EYA2: variants seen among roughly 807,000 people sequenced by gnomAD.
EYA2 encodes the protein protein phosphatase EYA2.
EYA2 carries 31 observed loss-of-function variants against 69.2 expected under a neutral mutation model. That is an observed-to-expected ratio of 0.45 (90% CI 0.34 to 0.60). The LOEUF (loss-of-function observed/expected upper bound fraction) is 0.60. Ranked by LOEUF, EYA2 falls within the 20% of genes least tolerant of loss-of-function variation. EYA2 has a pLI of 0.02. For synonymous variants in EYA2, 257 were observed against 279.4 expected (o/e 0.92, Z 0.80); for missense variants, 622 against 701.2 (o/e 0.89, Z 1.28).
rs372867316 is a variant in EYA2, at chr20:46,999,930, C to T, written c.110-1498C>T. On this transcript the variant is annotated intron_variant, in intron 2 of 15. Coordinates refer to ENST00000327619, the MANE Select transcript of EYA2 (RefSeq NM_005244.5). ...TGAGAGCCTGTCTATAAGCAGTTAA[C>T]AAGGGCCTGGCACATAGTCAACCTC... Among the ~76,000 whole-genome samples, 9 of 152,328 alleles carry T rather than the reference C, an allele frequency of 5.9e-5. 1 individual carries two copies. Among genetic ancestry groups the T allele is most frequent in the African/African-American group, 2.2e-4 (9 of 41,572 alleles).
At chr20:47,053,737 A>T (rs924272962) in intron 5 of EYA2, among the ~76,000 whole-genome samples, 1 of 151,000 alleles carries the variant, frequency 6.6e-6, no homozygotes, top group African/African-American at 2.4e-5. Flanking sequence ...AAGGAGGTGA[A>T]TATTGGTTCT....
chr20:47,147,818 G>A lies in EYA2; in HGVS notation c.978+4670G>A, dbSNP rs546167417. On this transcript the variant is annotated intron_variant, in intron 10 of 15. Coordinates refer to ENST00000327619, the MANE Select transcript of EYA2 (RefSeq NM_005244.5). The stretch of plus-strand genomic sequence containing the variant: ...TCACGCCTGTAGTCCTAACACTTTG[G>A]GAGGCCGAGGCGGGTGGATCACTTG... Among the ~76,000 whole-genome samples, 7 of 152,286 alleles carry A rather than the reference G, an allele frequency of 4.6e-5. No individual in the cohort carries two copies. The South Asian group carries it at 8.3e-4, about 18-fold the overall frequency.
intron 10 of EYA2, among the ~76,000 whole-genome samples, chr20:47,147,737 G>A (rs1255369022): frequency 6.6e-6 from 1 of 152,190 alleles, no homozygotes; most frequent in East Asian, 1.9e-4. Flanking sequence ...CAGACTCCCA[G>A]GGGAAAGAAT....
chr20:47,013,863 A>G (rs1213372629), intron 4 of EYA2, among the ~76,000 whole-genome samples: 2 of 152,198 alleles, frequency 1.3e-5, no homozygotes, highest in South Asian at 2.1e-4. Context: ...TGTTGCTGCC[A>G]TCATTGTTGT....
At chr20:46,910,610 C>T (rs1267343577) in intron 1 of EYA2, among the ~76,000 whole-genome samples, 1 of 152,184 alleles carries the variant, frequency 6.6e-6, no homozygotes, top group Non-Finnish European at 1.5e-5. Context: ...TGGCAATGCA[C>T]GCATTCCCAG....
intron 5 of EYA2, among the ~76,000 whole-genome samples, chr20:47,068,838 T>A (rs2031208567): frequency 1.3e-5 from 2 of 152,172 alleles, no homozygotes; most frequent in Admixed American, 1.3e-4. Flanking sequence ...TAGTGTGGGC[T>A]CTAGAAGCTT....
At chr20:47,126,865 A>G (rs1287029677) in intron 9 of EYA2, among the ~76,000 whole-genome samples, 9 of 152,174 alleles carry the variant, frequency 5.9e-5, no homozygotes, top group Admixed American at 1.3e-4. Context: ...TCAAATTCCT[A>G]CAACCCACAG....
At chr20:47,028,852 G>A (rs1459831285) in intron 5 of EYA2, among the ~76,000 whole-genome samples, 1 of 152,138 alleles carries the variant, frequency 6.6e-6, no homozygotes, top group African/African-American at 2.4e-5. Context: ...GGCAAACTAA[G>A]GAGCCCCAGC....
chr20:47,153,771 G>T (rs1454601955), intron 10 of EYA2, among the ~76,000 whole-genome samples: 5 of 151,940 alleles, frequency 3.3e-5, no homozygotes, highest in Non-Finnish European at 7.4e-5. Flanking sequence ...CCACTAAGAG[G>T]CCTGGCACCG....
chr20:47,010,027 AACTT>A (rs1443995919), intron 4 of EYA2, among the ~76,000 whole-genome samples: 4 of 152,286 alleles, frequency 2.6e-5, no homozygotes, highest in Admixed American at 6.5e-5. Context: ...ATGGCACCAT[AACTT>A]ACTTACCCAT....
intron 2 of EYA2, among the ~76,000 whole-genome samples, chr20:46,991,557 C>G (rs1981660260): frequency 6.6e-6 from 1 of 152,218 alleles, no homozygotes; most frequent in Non-Finnish European, 1.5e-5. Flanking sequence ...GGGCAGCCCA[C>G]AGCCACATCT....
intron 9 of EYA2, among the ~76,000 whole-genome samples, chr20:47,125,283 C>T (rs1398034511): frequency 7.9e-5 from 12 of 151,940 alleles, no homozygotes; most frequent in Non-Finnish European, 1.8e-4. Flanking sequence ...TCTTGATCTC[C>T]TGACCTCGTG....
intron 1 of EYA2, among the ~76,000 whole-genome samples, chr20:46,913,292 T>G (rs1984742141): frequency 6.6e-6 from 1 of 152,190 alleles, no homozygotes; most frequent in African/African-American, 2.4e-5. Flanking sequence ...AGTGGGGTTG[T>G]GCCTGGTGTG....
At chr20:47,003,571 TG>T (rs1982509563) in intron 3 of EYA2, among the ~76,000 whole-genome samples, 1 of 152,226 alleles carries the variant, frequency 6.6e-6, no homozygotes, top group Non-Finnish European at 1.5e-5. Context: ...CATGTGTGTG[TG>T]TATCTGTGCA....
intron 10 of EYA2, among the ~76,000 whole-genome samples, chr20:47,164,236 G>A (rs1377216702): frequency 6.6e-6 from 1 of 152,154 alleles, no homozygotes; most frequent in Non-Finnish European, 1.5e-5. Context: ...CTTGATCCAG[G>A]TCAGCTGGTG....
intron 1 of EYA2, among the ~76,000 whole-genome samples, chr20:46,975,842 G>A (rs1473391445): frequency 1.3e-5 from 2 of 152,226 alleles, no homozygotes; most frequent in Admixed American, 6.5e-5. Flanking sequence ...TTGAACCCAG[G>A]AGGAAGTAGA....
At chr20:46,913,523 G>A (rs1036928723) in intron 1 of EYA2, among the ~76,000 whole-genome samples, 2 of 152,228 alleles carry the variant, frequency 1.3e-5, no homozygotes, top group African/African-American at 4.8e-5. Context: ...TCCTCTGGCT[G>A]CCAAGAGAAC....
intron 1 of EYA2, among the ~76,000 whole-genome samples, chr20:46,981,372 C>T (rs1017071887): frequency 8.5e-5 from 13 of 152,206 alleles, no homozygotes; most frequent in African/African-American, 2.9e-4. Flanking sequence ...TTCTGCAAGT[C>T]ACCAGTGCCT....
chr20:47,020,378 A>G (rs993897527), intron 5 of EYA2, among the ~76,000 whole-genome samples: 10 of 152,196 alleles, frequency 6.6e-5, no homozygotes, highest in Non-Finnish European at 1.5e-4. Flanking sequence ...ATCTGTTTGG[A>G]TAACACTGCC....
Sources: allele counts gnomAD v4.1 joint callset (sites outside exome capture counted in the v4.1 genomes callset), GRCh38; gene constraint gnomAD v4.1.1; transcripts MANE v1.5; gene names NCBI Gene and HGNC (gene_info 2026-07-23, HGNC 2026-07-21).